The following CCDC171 variants were observed in gnomAD, a reference collection of about 807,000 sequenced individuals.
The protein encoded by CCDC171 is coiled-coil domain-containing protein 171.
CCDC171 carries 177 observed loss-of-function variants against 168.2 expected under a neutral mutation model. The observed-to-expected ratio is 1.05, with a 90% CI of 0.93 to 1.19. CCDC171 has a LOEUF of 1.19. Ranked by LOEUF, CCDC171 falls within the 50% of genes most tolerant of loss-of-function variation. CCDC171 has a pLI of 0.00. For missense variants in CCDC171, 1,991 were observed against 1,539.0 expected (o/e 1.29, Z -4.91); for synonymous variants, 687 against 540.8 (o/e 1.27, Z -3.75).
At chr9:15,711,157 T>C (rs2052634765) in intron 11 of CCDC171, among the ~76,000 whole-genome samples, 1 of 152,182 alleles carries the variant, frequency 6.6e-6, no homozygotes, top group African/African-American at 2.4e-5. Context: ...GACTAAGGAA[T>C]TGAAAATTTA....
At chr9:15,720,705 T>G (rs1417166181) in intron 11 of CCDC171, among the ~76,000 whole-genome samples, 3 of 152,218 alleles carry the variant, frequency 2.0e-5, no homozygotes, top group African/African-American at 4.8e-5. Context: ...TATTTTTTAT[T>G]GTACTTTAAG....
chr9:15,605,781 A>C (rs752146594), intron 6 of CCDC171, among the ~76,000 whole-genome samples: 2 of 152,064 alleles, frequency 1.3e-5, no homozygotes, highest in Non-Finnish European at 2.9e-5. Flanking sequence ...TTCGCTCCTC[A>C]TGTCAGGATA....
rs559962876 is a variant in CCDC171 at position 15,758,771 on chromosome 9, C to T, written c.2671+13140C>T. On this transcript the variant is annotated intron_variant, in intron 18 of 25. Coordinates refer to ENST00000380701, the MANE Select transcript of CCDC171 (RefSeq NM_173550.4). ...ACTGTTCTCGTGGTAGTGAATAAGTCTCACAAGGTTTGATAGTTTGATAAG... is the reference window on the plus strand; with the variant it reads ...ACTGTTCTCGTGGTAGTGAATAAGTTTCACAAGGTTTGATAGTTTGATAAG... Among the ~76,000 whole-genome samples the T allele has an allele frequency of 2.0e-5, 3 of 152,234 alleles. No homozygotes were observed. In the South Asian group the frequency reaches 6.2e-4, roughly 32 times the overall value.
intron 1 of CCDC171, among the ~76,000 whole-genome samples, chr9:15,557,403 C>G (rs539176884): frequency 1.3e-5 from 2 of 152,006 alleles, no homozygotes; most frequent in South Asian, 2.1e-4. Flanking sequence ...TGTTTGTGTC[C>G]TCTTTTATTT....
chr9:15,988,697 G>T (rs1832082074), intron 3 of CCDC171, among the ~76,000 whole-genome samples: 1 of 152,212 alleles, frequency 6.6e-6, no homozygotes, highest in African/African-American at 2.4e-5. Flanking sequence ...AGCTGTGACA[G>T]ACGGCACATG....
At chr9:16,026,082 CAG>C (rs1477143211) in intron 6 of CCDC171, among the ~76,000 whole-genome samples, 1 of 152,180 alleles carries the variant, frequency 6.6e-6, no homozygotes, top group Non-Finnish European at 1.5e-5. Flanking sequence ...TCACGATACT[CAG>C]AGATACCATG....
intron 9 of CCDC171, among the ~76,000 whole-genome samples, chr9:15,674,900 A>G (rs1263038897): frequency 6.6e-6 from 1 of 152,146 alleles, no homozygotes. Context: ...GCTGAGTTCA[A>G]GTCCTGGATA....
chr9:15,784,211 A>G (rs2057819220), intron 20 of CCDC171, among the ~76,000 whole-genome samples: 1 of 152,196 alleles, frequency 6.6e-6, no homozygotes, highest in East Asian at 1.9e-4. Flanking sequence ...CATAATCTTT[A>G]TAAAAAGTGC....
At chr9:15,569,543 C>T (rs10962072) in intron 2 of CCDC171, among the ~76,000 whole-genome samples, 52,084 of 151,934 alleles carry the variant, frequency 0.34, 11,026 homozygotes, top group East Asian at 0.6. Flanking sequence ...CGGCCGGGCG[C>T]GGTGGCTCGC....
chr9:15,916,601 A>G (rs1824555959), intron 24 of CCDC171, among the ~76,000 whole-genome samples: 1 of 151,948 alleles, frequency 6.6e-6, no homozygotes, highest in East Asian at 1.9e-4. Context: ...ATTGTTCCTG[A>G]TGTTCAAATT....
At chr9:16,081,495 GA>G in the CCDC171 span, among the ~76,000 whole-genome samples, 19 of 152,114 alleles carry the variant, frequency 1.2e-4, no homozygotes, top group African/African-American at 4.6e-4. Flanking sequence ...ACATGAACAA[GA>G]AAAAATGTAG....
chr9:16,080,908 G>A, the CCDC171 span, among the ~76,000 whole-genome samples: 1 of 152,152 alleles, frequency 6.6e-6, no homozygotes, highest in Non-Finnish European at 1.5e-5. Context: ...CTGATGTGGG[G>A]CATGTCTTTG....
At chr9:15,851,438 G>GGC (rs71325939) in intron 23 of CCDC171, among the ~76,000 whole-genome samples, 5 of 151,678 alleles carry the variant, frequency 3.3e-5, no homozygotes, top group Middle Eastern at 3.4e-3. Context: ...TTTTGGGGGG[G>GGC]AATTTCAAGT....
chr9:15,588,736 C>T (rs576503834), intron 4 of CCDC171: 105 of 143,726 alleles, frequency 7.3e-4, no homozygotes, highest in Non-Finnish European at 1.3e-3. Flanking sequence ...GAGACGGAGT[C>T]TCACTCTGTC....
chr9:15,606,520 T>C (rs2043238508), intron 6 of CCDC171, among the ~76,000 whole-genome samples: 1 of 152,172 alleles, frequency 6.6e-6, no homozygotes, highest in Non-Finnish European at 1.5e-5. Flanking sequence ...TTCTGGGTCT[T>C]TCAGGAGATA....
At chr9:15,794,906 G>A (rs1255158082) in intron 21 of CCDC171, among the ~76,000 whole-genome samples, 1 of 152,168 alleles carries the variant, frequency 6.6e-6, no homozygotes, top group East Asian at 1.9e-4. Flanking sequence ...AGTCTTAATT[G>A]GAATTGTCTT....
At chr9:15,624,860 T>C (rs1278674477) in intron 7 of CCDC171, among the ~76,000 whole-genome samples, 1 of 152,228 alleles carries the variant, frequency 6.6e-6, no homozygotes, top group Non-Finnish European at 1.5e-5. Context: ...ATGGTATTTC[T>C]AGTTCTAGAT....
chr9:16,023,087 G>T (rs771081440), intron 6 of CCDC171, among the ~76,000 whole-genome samples: 1 of 152,052 alleles, frequency 6.6e-6, no homozygotes, highest in Non-Finnish European at 1.5e-5. Context: ...AGCATTTGGG[G>T]GTTCATTGTA....
At chr9:15,914,145 T>C (rs781547276) in intron 24 of CCDC171, among the ~76,000 whole-genome samples, 9 of 152,188 alleles carry the variant, frequency 5.9e-5, no homozygotes, top group Non-Finnish European at 1.0e-4. Context: ...GAGGAGGCAG[T>C]CTGTCCCTTA....
Sources: allele counts gnomAD v4.1 joint callset (sites outside exome capture counted in the v4.1 genomes callset), GRCh38; gene constraint gnomAD v4.1.1; transcripts MANE v1.5; gene names NCBI Gene and HGNC (gene_info 2026-07-23, HGNC 2026-07-21).